Variants in SMIM3 observed in about 807,000 individuals in gnomAD.
SMIM3 encodes the protein small integral membrane protein 3, also known as NGF-induced differentiation clone 67 protein.
Under a neutral mutation model 2.1 loss-of-function variants are expected in SMIM3, and 4 were observed. That is an observed-to-expected ratio of 1.89 (90% CI 0.93 to 4.31). SMIM3 has a LOEUF of 4.31. SMIM3 is among the 30% of genes most tolerant of loss of function. SMIM3 has a pLI of 0.01. For synonymous variants in SMIM3, 29 were observed against 30.8 expected (o/e 0.94, Z 0.19); for missense variants, 79 against 77.7 (o/e 1.02, Z -0.06).
At chr5:150,791,650 A>G (rs568311505) in intron 1 of SMIM3, among the ~76,000 whole-genome samples, 2 of 152,262 alleles carry the variant, frequency 1.3e-5, no homozygotes, top group East Asian at 3.9e-4. Context: ...CTATCCATTC[A>G]TGGTTAATAG....
chr5:150,789,214 A>G (rs1753323945), intron 1 of SMIM3, among the ~76,000 whole-genome samples: 1 of 152,236 alleles, frequency 6.6e-6, no homozygotes, highest in Non-Finnish European at 1.5e-5. Context: ...ATACCAAGAA[A>G]CAAGGTTTTA....
intron 1 of SMIM3, among the ~76,000 whole-genome samples, chr5:150,790,029 T>C (rs796918116): frequency 6.6e-6 from 1 of 152,336 alleles, no homozygotes; most frequent in South Asian, 2.1e-4. Flanking sequence ...ATTTCATTTA[T>C]TCATCTACTT....
At chr5:150,795,292 T>G in intron 1 of SMIM3, 138 bp from the exon 2 acceptor site, 1 of 865,406 alleles carries the variant, frequency 1.2e-6, no homozygotes. Context: ...ATGAAGCCAT[T>G]GTAATTACTA....
At chr5:150,787,062 T>G (rs571040137) in intron 1 of SMIM3, among the ~76,000 whole-genome samples, 2 of 152,196 alleles carry the variant, frequency 1.3e-5, no homozygotes, top group South Asian at 4.2e-4. Flanking sequence ...AGTGCAGAAG[T>G]TTTACTCTCC....
At chr5:150,786,096 A>G (rs1378407334) in intron 1 of SMIM3, among the ~76,000 whole-genome samples, 1 of 148,942 alleles carries the variant, frequency 6.7e-6, no homozygotes, top group Non-Finnish European at 1.5e-5. Context: ...TATCTCTCTT[A>G]CCTATTTCTT....
At position 150,786,463 on chromosome 5, in the gene SMIM3, T is replaced by A. The variant is rs1753294791; in HGVS notation, c.-12+7491T>A. Among the ~76,000 whole-genome samples, 4 of 152,222 alleles carry A rather than the reference T, an allele frequency of 2.6e-5. No homozygotes were observed. In the South Asian group the frequency reaches 8.3e-4, roughly 32 times the overall value. On this transcript the variant is annotated intron_variant, in intron 1 of 1. Coordinates refer to ENST00000526627, the MANE Select transcript of SMIM3 (RefSeq NM_032947.5). ...CCATGCCCATCTAATTTTAAAATTT[T>A]TTTTGTGGAGATGGGATTTTGCCAT...
rs182088363 is a variant in SMIM3 at position 150,787,473 on chromosome 5, C to T, written c.-11-7957C>T. On this transcript the variant is annotated intron_variant, in intron 1 of 1. Transcript: ENST00000526627. Reference sequence around the variant, plus strand: ...AGCTGAAAACAGTGTTTGACCTGGACTTAGAAGAAAGCTGTGGGTCTGGTA... The same window carrying T: ...AGCTGAAAACAGTGTTTGACCTGGATTTAGAAGAAAGCTGTGGGTCTGGTA... Among the ~76,000 whole-genome samples the T allele has an allele frequency of 7.8e-4, 119 of 152,274 alleles. 1 individual carries two copies. Among genetic ancestry groups the T allele is most frequent in the African/African-American group, 2.0e-3 (85 of 41,540 alleles).
chr5:150,784,361 C>T (rs923955759), intron 1 of SMIM3, among the ~76,000 whole-genome samples: 1 of 152,136 alleles, frequency 6.6e-6, no homozygotes, highest in African/African-American at 2.4e-5. Flanking sequence ...TTGCCAAAGC[C>T]ACCAGGACTC....
At chr5:150,779,046 T>C (rs753480348) in intron 1 of SMIM3, 74 bp downstream of exon 1, 5 of 465,414 alleles carry the variant, frequency 1.1e-5, no homozygotes, top group African/African-American at 2.0e-5. Flanking sequence ...GACCTACCTC[T>C]AGTGCGGCCC....
chr5:150,795,617 T>C lies in SMIM3; in HGVS notation c.177T>C (p.Ala59=). The C allele has an allele frequency of 3.2e-6, 5 of 1,546,178 alleles. No individual in the cohort carries two copies. The highest frequency in any genetic ancestry group is 4.3e-6 in the Non-Finnish European group (5 of 1,151,720). Residue 59 remains alanine, a synonymous_variant, in exon 2 of 2, where the codon GCT becomes GCC. Coordinates refer to ENST00000526627, the MANE Select transcript of SMIM3 (RefSeq NM_032947.5). ...GGACTCATCCGATCCTTAGTGGGGC[T>C]GTTTGAGAGCCTCCCAAGAGGGCCG... ...RMRTHPILSG[A]V
In SMIM3 at chr5:150,796,164, T is replaced by C. The variant is rs1459604812; in HGVS notation, c.*541T>C. The C allele has an allele frequency of 1.3e-5, 2 of 155,014 alleles. No homozygotes were observed. The highest frequency in any genetic ancestry group is 2.9e-5 in the Non-Finnish European group (2 of 69,372). The allele number at this position is 155,014 out of a possible 1,614,324, so 9.6% of individuals were successfully genotyped here. Reference sequence around the variant, plus strand: ...CAGTTTGGAGGGTGATGGGTAGAGCTTTCCAGAACCTTCTCCATTCCAGAA... The same window carrying C: ...CAGTTTGGAGGGTGATGGGTAGAGCCTTCCAGAACCTTCTCCATTCCAGAA... On this transcript the variant is annotated 3_prime_UTR_variant, in exon 2 of 2. Coordinates refer to ENST00000526627, the MANE Select transcript of SMIM3 (RefSeq NM_032947.5).
intron 1 of SMIM3, among the ~76,000 whole-genome samples, chr5:150,789,151 G>A (rs953569503): frequency 1.4e-4 from 21 of 152,106 alleles, no homozygotes; most frequent in Non-Finnish European, 2.8e-4. Context: ...GAAATATCAA[G>A]CAATATATCT....
chr5:150,796,305 C>G lies in SMIM3; in HGVS notation c.*682C>G, dbSNP rs1753408517. 2 of 152,808 alleles carry G rather than the reference C, an allele frequency of 1.3e-5. No homozygotes were observed. The highest frequency in any genetic ancestry group is 4.1e-4 in the South Asian group (2 of 4,830). 9.5% of individuals were successfully genotyped at this position (152,808 alleles called of 1,614,324 possible). The stretch of plus-strand genomic sequence containing the variant: ...TCTCACATCTGTTAGCTTTGACACT[C>G]AAGCAATGTTGGAAAATGCAGGGTG... On this transcript the variant is annotated 3_prime_UTR_variant, in exon 2 of 2. Transcript: ENST00000526627.
chr5:150,779,518 TG>T (rs892154457), intron 1 of SMIM3, among the ~76,000 whole-genome samples: 4 of 152,206 alleles, frequency 2.6e-5, no homozygotes, highest in African/African-American at 9.7e-5. Flanking sequence ...TCACCATCCT[TG>T]TTTTTCCATC....
chr5:150,782,093 G>A lies in SMIM3; in HGVS notation c.-12+3121G>A, dbSNP rs369275647. Among the ~76,000 whole-genome samples the A allele has an allele frequency of 9.4e-4, 143 of 152,342 alleles. No homozygotes were observed. The Middle Eastern group carries it at 0.017, about 18-fold the overall frequency. ...TCTGTTAGGAAGTTTGGAGAGACAGGGGCCAGTTGGGGTGAAATGAGAACA... is the reference window on the plus strand; with the variant it reads ...TCTGTTAGGAAGTTTGGAGAGACAGAGGCCAGTTGGGGTGAAATGAGAACA... On this transcript the variant is annotated intron_variant, in intron 1 of 1. Coordinates refer to ENST00000526627, the MANE Select transcript of SMIM3 (RefSeq NM_032947.5).
In SMIM3 at chr5:150,787,189, T is replaced by C. The variant is rs187634468; in HGVS notation, c.-12+8217T>C. ...AGGCTCTCCTCCCTGGATTTTTGCC[T>C]TCTCCCAGAAAAGTGGGACCAAAAA... On this transcript the variant is annotated intron_variant, in intron 1 of 1. Coordinates refer to ENST00000526627, the MANE Select transcript of SMIM3 (RefSeq NM_032947.5). 2.6e-3 allele frequency among the ~76,000 whole-genome samples: 391 copies of C among 152,288 alleles called. 2 individuals are homozygous for C. The highest frequency in any genetic ancestry group is 9.1e-3 in the African/African-American group (378 of 41,556).
rs114263835 is a variant in SMIM3, at chr5:150,781,823, G to A, written c.-12+2851G>A. Among the ~76,000 whole-genome samples the A allele has an allele frequency of 5.4e-3, 824 of 152,316 alleles. 7 individuals carry two copies. Among genetic ancestry groups the A allele is most frequent in the African/African-American group, 0.019 (799 of 41,560 alleles). On this transcript the variant is annotated intron_variant, in intron 1 of 1. Coordinates refer to ENST00000526627, the MANE Select transcript of SMIM3 (RefSeq NM_032947.5). The stretch of plus-strand genomic sequence containing the variant: ...CCTTTGTTAGCCCGACACACAGCAG[G>A]CACTTAGTCACTGGCAAATAGCAAT...
chr5:150,789,233 T>G (rs935477821), intron 1 of SMIM3, among the ~76,000 whole-genome samples: 2 of 152,200 alleles, frequency 1.3e-5, no homozygotes, highest in Non-Finnish European at 2.9e-5. Flanking sequence ...TATGCACTCA[T>G]GACAGAGAGG....
At chr5:150,784,006 C>T (rs959119421) in intron 1 of SMIM3, among the ~76,000 whole-genome samples, 1 of 150,824 alleles carries the variant, frequency 6.6e-6, no homozygotes, top group Non-Finnish European at 1.5e-5. Context: ...GCAACCTCCA[C>T]CTCCTGGGTT....
Sources: gnomAD v4.1 joint callset for allele counts (sites outside exome capture counted in the v4.1 genomes callset) on GRCh38, gnomAD v4.1.1 for gene constraint, MANE v1.5 for transcripts, NCBI Gene and HGNC (gene_info 2026-07-23, HGNC 2026-07-21) for gene names.